Variants in NCOA2 observed in about 807,000 individuals in gnomAD.
NCOA2 encodes nuclear receptor coactivator 2.
A neutral mutation model predicts 145.1 loss-of-function variants in NCOA2; 21 were observed. The observed-to-expected ratio is 0.14, with a 90% CI of 0.10 to 0.21. The LOEUF is 0.21. Among genes scored for constraint, NCOA2 ranks in the 10% least tolerant of loss-of-function variants. The pLI, the probability that NCOA2 is intolerant of heterozygous loss-of-function variation, is 1.00. For synonymous variants in NCOA2, 619 were observed against 637.5 expected (o/e 0.97, Z 0.44); for missense variants, 1,472 against 1,837.6 (o/e 0.80, Z 3.64).
chr8:70,437,628 A>G, the NCOA2 span, among the ~76,000 whole-genome samples: 1 of 152,340 alleles, frequency 6.6e-6, no homozygotes, highest in South Asian at 2.1e-4. Context: ...ATAAGACAAT[A>G]CATTCATGGA....
intron 1 of NCOA2, among the ~76,000 whole-genome samples, chr8:70,319,252 T>C (rs1390938344): frequency 6.6e-6 from 1 of 152,004 alleles, no homozygotes; most frequent in Non-Finnish European, 1.5e-5. Flanking sequence ...TATAAAGAGC[T>C]CTATTTAGGC....
chr8:70,215,460 T>C (rs1197383304), intron 3 of NCOA2, among the ~76,000 whole-genome samples: 2 of 152,110 alleles, frequency 1.3e-5, no homozygotes, highest in Non-Finnish European at 2.9e-5. Flanking sequence ...TACCAGGAAG[T>C]AGTAGGGAAC....
chr8:70,143,208 A>G (rs1185536244), intron 13 of NCOA2, among the ~76,000 whole-genome samples: 1 of 152,056 alleles, frequency 6.6e-6, no homozygotes, highest in Non-Finnish European at 1.5e-5. Context: ...TTGGCCTCCC[A>G]AAGTGCTGGG....
Position 70,335,435 on chromosome 8 carries a change from CTGTG to C in NCOA2, c.-76-38639_-76-38636del, listed in dbSNP as rs369207675. 2.0e-5 allele frequency among the ~76,000 whole-genome samples: 3 copies of C among 152,290 alleles called. No individual in the cohort carries two copies. The South Asian group carries it at 6.2e-4, about 32-fold the overall frequency. Reference sequence around the variant, plus strand: ...TACACCAAATCTGAAGGGCTTTCTTCTGTGTGTGACACAACACACATAACAAAAA... The same window carrying C: ...TACACCAAATCTGAAGGGCTTTCTTCTGTGACACAACACACATAACAAAAA... On this transcript the variant is annotated intron_variant, in intron 1 of 22. Transcript: ENST00000452400.
intron 2 of NCOA2, among the ~76,000 whole-genome samples, chr8:70,251,861 A>G (rs1286628623): frequency 6.6e-6 from 1 of 152,224 alleles, no homozygotes; most frequent in Non-Finnish European, 1.5e-5. Context: ...GACTTGGATA[A>G]CCATTGTCTC....
At chr8:70,398,730 C>T (rs1158632367) in intron 1 of NCOA2, among the ~76,000 whole-genome samples, 1 of 152,126 alleles carries the variant, frequency 6.6e-6, no homozygotes, top group Admixed American at 6.5e-5. Flanking sequence ...TGTAAAACAC[C>T]ACCATAGGTT....
Position 70,124,231 on chromosome 8 carries a change from G to A in NCOA2, c.4095-149C>T. On this transcript the variant is annotated intron_variant, in intron 20 of 22. Transcript: ENST00000452400. ...GGCTGAGACAGCCGGCAGGTGGTGG[G>A]CTTGCTGAAGCCGAGACAGCAGGGG... The A allele has an allele frequency of 4.3e-6, 3 of 691,590 alleles. No individual in the cohort carries two copies. In the South Asian group the frequency reaches 6.6e-5, roughly 15 times the overall value. 42.8% of individuals were successfully genotyped at this position (691,590 alleles called of 1,614,324 possible). A position where few individuals can be genotyped will look rare whatever the true frequency, so the allele number is the denominator to read the frequency against.
intron 4 of NCOA2, among the ~76,000 whole-genome samples, chr8:70,207,862 C>CAAAAAAAAAA (rs754670876): frequency 8.3e-5 from 3 of 36,152 alleles, no homozygotes; most frequent in African/African-American, 1.1e-4. Flanking sequence ...GACTCCACCT[C>CAAAAAAAAAA]AAAAAAAAAA....
intron 4 of NCOA2, among the ~76,000 whole-genome samples, chr8:70,204,674 C>T (rs946131276): frequency 9.2e-5 from 14 of 152,080 alleles, no homozygotes; most frequent in Admixed American, 9.2e-4. Flanking sequence ...TTTACATAAA[C>T]TAAGAACAAA....
chr8:70,450,901 G>GT, the NCOA2 span, among the ~76,000 whole-genome samples: 1 of 149,826 alleles, frequency 6.7e-6, no homozygotes, highest in Non-Finnish European at 1.5e-5. Context: ...AATTCTCTTA[G>GT]TTTCAGTGCT....
chr8:70,309,885 T>C (rs1016891384), intron 1 of NCOA2, among the ~76,000 whole-genome samples: 1 of 151,950 alleles, frequency 6.6e-6, no homozygotes, highest in African/African-American at 2.4e-5. Context: ...GCCCAGGAGA[T>C]TGAGGATGCA....
chr8:70,311,291 C>T (rs561785931), intron 1 of NCOA2, among the ~76,000 whole-genome samples: 1 of 152,202 alleles, frequency 6.6e-6, no homozygotes, highest in African/African-American at 2.4e-5. Context: ...AAAGTGGTAA[C>T]AAGTGCTATG....
At chr8:70,310,005 G>A (rs933736839) in intron 1 of NCOA2, among the ~76,000 whole-genome samples, 12 of 151,590 alleles carry the variant, frequency 7.9e-5, no homozygotes, top group African/African-American at 2.9e-4. Flanking sequence ...AAAATAGCTA[G>A]CTTTTTATGG....
chr8:70,378,661 C>A (rs1379521198), intron 1 of NCOA2, among the ~76,000 whole-genome samples: 1 of 149,248 alleles, frequency 6.7e-6, no homozygotes, highest in African/African-American at 2.5e-5. Flanking sequence ...AAAGCTTTCC[C>A]AAGGCCAATA....
At chr8:70,288,505 C>T (rs1826413183) in intron 2 of NCOA2, among the ~76,000 whole-genome samples, 1 of 151,766 alleles carries the variant, frequency 6.6e-6, no homozygotes, top group Admixed American at 6.6e-5. Context: ...CGCTTGAACC[C>T]AGAAGGCAGA....
At chr8:70,408,841 G>C in the NCOA2 span, among the ~76,000 whole-genome samples, 27 of 142,968 alleles carry the variant, frequency 1.9e-4, no homozygotes, top group Non-Finnish European at 3.3e-4. Context: ...TACCCAGGCT[G>C]ATCTTGAACT....
At chr8:70,369,482 C>T (rs922760779) in intron 1 of NCOA2, among the ~76,000 whole-genome samples, 2 of 152,144 alleles carry the variant, frequency 1.3e-5, no homozygotes, top group African/African-American at 4.8e-5. Flanking sequence ...TAATATATTG[C>T]AACTCAGTTT....
chr8:70,216,858 CCA>C lies in NCOA2; in HGVS notation c.-19-96_-19-95del, dbSNP rs1216689777. The C allele has an allele frequency of 3.8e-6, 3 of 783,860 alleles. No homozygotes were observed. In the African/African-American group the frequency reaches 5.4e-5, roughly 14 times the overall value. The allele number at this position is 783,860 out of a possible 1,614,324, so 48.6% of individuals were successfully genotyped here. On this transcript the variant is annotated intron_variant, in intron 2 of 22. Coordinates refer to ENST00000452400, the MANE Select transcript of NCOA2 (RefSeq NM_006540.4). The stretch of plus-strand genomic sequence containing the variant: ...TACCAACAATAAAAGAATTTTGACT[CCA>C]ATCAGAAATTTGAGACCAGTAATTA...
intron 1 of NCOA2, among the ~76,000 whole-genome samples, chr8:70,394,954 T>G (rs1404908914): frequency 1.3e-5 from 2 of 152,200 alleles, no homozygotes; most frequent in African/African-American, 4.8e-5. Context: ...CATAACTGCT[T>G]TCTTAACAAA....
Sources: gnomAD v4.1 joint callset for allele counts (sites outside exome capture counted in the v4.1 genomes callset) on GRCh38, gnomAD v4.1.1 for gene constraint, MANE v1.5 for transcripts, NCBI Gene and HGNC (gene_info 2026-07-23, HGNC 2026-07-21) for gene names.